Variants in CDYL2 observed in about 807,000 individuals in gnomAD.
CDYL2 encodes the protein chromodomain Y like 2, also known as chromodomain Y-like protein 2.
CDYL2 carries 23 observed loss-of-function variants against 49.4 expected under a neutral mutation model. The ratio of observed to expected loss-of-function variants is 0.47; its 90% CI spans 0.34 to 0.66. The LOEUF (loss-of-function observed/expected upper bound fraction) is 0.66. CDYL2 is among the 30% of genes least tolerant of loss of function. The probability of loss-of-function intolerance (pLI) is 0.01; values close to 1 mark genes in which losing one functional copy is unlikely to be tolerated. For missense variants in CDYL2, 678 were observed against 656.4 expected, an observed-to-expected ratio of 1.03 and a Z score of -0.36; for synonymous variants, 360 against 268.8, an observed-to-expected ratio of 1.34 and a Z score of -3.32.
intron 2 of CDYL2, among the ~76,000 whole-genome samples, chr16:80,656,867 G>A (rs1908836605): frequency 6.6e-6 from 1 of 152,158 alleles, no homozygotes; most frequent in East Asian, 1.9e-4. Context: ...AGTCTTCCCT[G>A]CAAGATGGGA....
intron 1 of CDYL2, among the ~76,000 whole-genome samples, chr16:80,730,338 A>G (rs1459447417): frequency 6.6e-6 from 1 of 151,916 alleles, no homozygotes; most frequent in Non-Finnish European, 1.5e-5. Context: ...ACGCAAATAA[A>G]CTAGAAAATC....
At chr16:80,703,396 T>C (rs1041246443) in intron 1 of CDYL2, among the ~76,000 whole-genome samples, 1 of 152,170 alleles carries the variant, frequency 6.6e-6, no homozygotes, top group African/African-American at 2.4e-5. Context: ...CAGTCAATGC[T>C]AGATGAATGA....
chr16:80,762,336 G>A lies in CDYL2; in HGVS notation c.24+41814C>T, dbSNP rs537743742. 1.6e-3 allele frequency among the ~76,000 whole-genome samples: 250 copies of A among 152,288 alleles called. 1 individual carries two copies. Among genetic ancestry groups the A allele is most frequent in the African/African-American group, 5.7e-3 (236 of 41,550 alleles). ...GCAAGGAAGAGAAGAAAGAACGTAA[G>A]AAAGCACGACTGTGCAAAGAGGTGA... On this transcript the variant is annotated intron_variant, in intron 1 of 6. Coordinates refer to ENST00000570137, the MANE Select transcript of CDYL2 (RefSeq NM_152342.4).
intron 2 of CDYL2, among the ~76,000 whole-genome samples, chr16:80,676,956 T>C (rs965948276): frequency 1.3e-5 from 2 of 148,626 alleles, no homozygotes; most frequent in Non-Finnish European, 3.0e-5. Flanking sequence ...AACAACCAAT[T>C]CAATGTATTT....
At position 80,604,283 on chromosome 16, in the gene CDYL2, A is replaced by G; in HGVS notation, c.*105T>C. On this transcript the variant is annotated 3_prime_UTR_variant, in exon 7 of 7. Coordinates refer to ENST00000570137, the MANE Select transcript of CDYL2 (RefSeq NM_152342.4). ...CGAGGAAATGGACACAACCCTACGT[A>G]TAAAGAGACACCTTGACAAACTCCT... 7.8e-7 allele frequency: 1 copy of G among 1,276,704 alleles called. No individual in the cohort carries two copies. Among genetic ancestry groups the G allele is most frequent in the Non-Finnish European group, 1.1e-6 (1 of 898,810 alleles). The allele number at this position is 1,276,704 out of a possible 1,614,324, so 79.1% of individuals were successfully genotyped here.
intron 1 of CDYL2, among the ~76,000 whole-genome samples, chr16:80,745,583 C>T (rs976439209): frequency 6.6e-6 from 1 of 152,256 alleles, no homozygotes; most frequent in East Asian, 1.9e-4. Flanking sequence ...CAAATGATGG[C>T]TGTGTACTGT....
chr16:80,641,835 CATGTATACAT>C (rs1908104641), intron 2 of CDYL2, among the ~76,000 whole-genome samples: 1 of 150,518 alleles, frequency 6.6e-6, no homozygotes, highest in African/African-American at 2.5e-5. Flanking sequence ...CAACATGGCA[CATGTATACAT>C]ATGTAACAAA....
At chr16:80,683,682 G>C (rs772084240) in intron 2 of CDYL2, among the ~76,000 whole-genome samples, 5 of 152,170 alleles carry the variant, frequency 3.3e-5, no homozygotes, top group African/African-American at 9.6e-5. Context: ...ACAGCATTAA[G>C]AGGAGGGGCC....
rs1905922075 is a variant in CDYL2 at position 80,598,210 on chromosome 16, ACT to A, written c.*6176_*6177del. 6.6e-6 allele frequency: 1 copy of A among 150,534 alleles called. No individual in the cohort carries two copies. Among genetic ancestry groups the A allele is most frequent in the Non-Finnish European group, 1.5e-5 (1 of 67,806 alleles). The allele number at this position is 150,534 out of a possible 1,614,324, so 9.3% of individuals were successfully genotyped here. A position where few individuals can be genotyped will look rare whatever the true frequency, so the allele number is the denominator to read the frequency against. ...TACAAATATTCAGAACTAGTTAAAGACTCTCCCATGATAATCTGGCAAAATAA... is the reference window on the plus strand; with the variant it reads ...TACAAATATTCAGAACTAGTTAAAGACTCCCATGATAATCTGGCAAAATAA... On this transcript the variant is annotated 3_prime_UTR_variant, in exon 7 of 7. Coordinates refer to ENST00000570137, the MANE Select transcript of CDYL2 (RefSeq NM_152342.4).
chr16:80,605,425 T>C (rs1182995026), intron 6 of CDYL2, among the ~76,000 whole-genome samples: 2 of 148,438 alleles, frequency 1.3e-5, no homozygotes, highest in East Asian at 1.9e-4. Context: ...TATGTAAATA[T>C]AGTATTAATC....
chr16:80,628,267 G>C (rs1907391519), intron 3 of CDYL2: 1 of 152,234 alleles, frequency 6.6e-6, no homozygotes, highest in Admixed American at 6.5e-5. Context: ...CCACCCTCAA[G>C]AGAAGACTGG....
At chr16:80,798,090 G>C (rs1009453891) in intron 1 of CDYL2, among the ~76,000 whole-genome samples, 3 of 152,258 alleles carry the variant, frequency 2.0e-5, no homozygotes, top group African/African-American at 7.2e-5. Flanking sequence ...ACCCAGGCTG[G>C]AGTGCAGTGG....
chr16:80,778,310 T>C (rs1451713964), intron 1 of CDYL2, among the ~76,000 whole-genome samples: 1 of 151,644 alleles, frequency 6.6e-6, no homozygotes, highest in Non-Finnish European at 1.5e-5. Flanking sequence ...GCTAATAAAA[T>C]AAGAGTAGAA....
chr16:80,764,715 A>G (rs916219381), intron 1 of CDYL2, among the ~76,000 whole-genome samples: 1 of 152,100 alleles, frequency 6.6e-6, no homozygotes, highest in Non-Finnish European at 1.5e-5. Flanking sequence ...TAAGAAAATA[A>G]TAATAATTAA....
intron 3 of CDYL2, among the ~76,000 whole-genome samples, chr16:80,632,032 G>C (rs1190116785): frequency 6.6e-6 from 1 of 152,000 alleles, no homozygotes; most frequent in Non-Finnish European, 1.5e-5. Context: ...TCTAAGAATT[G>C]GAATAGACTC....
rs979811111 is a variant in CDYL2, at chr16:80,698,643, G to C, written c.25-13514C>G. ...TGCCATCCTCCCTTGGTACTGTATAGTAAGTTCTCACAAGATCTGATTGTT... is the reference window on the plus strand; with the variant it reads ...TGCCATCCTCCCTTGGTACTGTATACTAAGTTCTCACAAGATCTGATTGTT... On this transcript the variant is annotated intron_variant, in intron 1 of 6. Transcript: ENST00000570137. Among the ~76,000 whole-genome samples the C allele has an allele frequency of 2.6e-5, 4 of 152,066 alleles. No individual in the cohort carries two copies. In the South Asian group the frequency reaches 8.3e-4, roughly 32 times the overall value.
chr16:80,677,750 A>T (rs574649670), intron 2 of CDYL2, among the ~76,000 whole-genome samples: 4,115 of 151,436 alleles, frequency 0.027, 91 homozygotes, highest in African/African-American at 0.057. Context: ...AAAAAATAAA[A>T]ATAAAAATAA....
chr16:80,619,396 G>A (rs1206361872), intron 4 of CDYL2, among the ~76,000 whole-genome samples: 2 of 152,198 alleles, frequency 1.3e-5, no homozygotes, highest in Non-Finnish European at 2.9e-5. Context: ...GAGTGAAAAC[G>A]AGGGGCTGTG....
chr16:80,801,031 A>G (rs1326318100), intron 1 of CDYL2, among the ~76,000 whole-genome samples: 1 of 152,220 alleles, frequency 6.6e-6, no homozygotes, highest in Non-Finnish European at 1.5e-5. Flanking sequence ...CGTTTTTCTT[A>G]TCTACCATTG....
Sources: allele counts gnomAD v4.1 joint callset (sites outside exome capture counted in the v4.1 genomes callset), GRCh38; gene constraint gnomAD v4.1.1; transcripts MANE v1.5; gene names NCBI Gene and HGNC (gene_info 2026-07-23, HGNC 2026-07-21).